The following MYLK4 variants were observed in gnomAD, a reference collection of about 807,000 sequenced individuals.
MYLK4 encodes the protein myosin light chain kinase family member 4, also known as caMLCK like.
Under a neutral mutation model 48.1 loss-of-function variants are expected in MYLK4, and 46 were observed. That is an observed-to-expected ratio of 0.96 (90% CI 0.75 to 1.22). The LOEUF (loss-of-function observed/expected upper bound fraction) is 1.22, where lower values mean the gene tolerates loss of function less well. MYLK4 is among the 50% of genes most tolerant of loss of function. The pLI, the probability that MYLK4 is intolerant of heterozygous loss-of-function variation, is 0.00. For missense variants in MYLK4, 451 were observed against 486.1 expected, an observed-to-expected ratio of 0.93 and a Z score of 0.68; for synonymous variants, 170 against 180.8, an observed-to-expected ratio of 0.94 and a Z score of 0.48.
At chr6:2,744,870 G>C (rs947054487) in intron 2 of MYLK4, among the ~76,000 whole-genome samples, 1 of 152,200 alleles carries the variant, frequency 6.6e-6, no homozygotes, top group African/African-American at 2.4e-5. Flanking sequence ...AATCAACAAG[G>C]GTTAGGATAA....
intron 2 of MYLK4, among the ~76,000 whole-genome samples, chr6:2,717,562 G>A (rs547058035): frequency 1.3e-5 from 2 of 152,324 alleles, no homozygotes; most frequent in Non-Finnish European, 1.5e-5. Context: ...GGATTAGACT[G>A]TAATCTTGGG....
the MYLK4 span, chr6:2,770,078 G>A: frequency 1.9e-6 from 3 of 1,611,148 alleles, no homozygotes; most frequent in Non-Finnish European, 1.7e-6. Context: ...GCAGGTGGCT[G>A]TTGACTGGAA....
chr6:2,718,316 C>T (rs1030853226), intron 2 of MYLK4, among the ~76,000 whole-genome samples: 1 of 152,182 alleles, frequency 6.6e-6, no homozygotes, highest in Admixed American at 6.5e-5. Context: ...TGTCTACAGA[C>T]TGAGTGAGTC....
At position 2,673,578 on chromosome 6, in the gene MYLK4, C is replaced by T. The variant is rs1050083516; in HGVS notation, c.1119+1469G>A. ...ATGCTATACCAGGGCAGGGCACCAG[C>T]CACCCTAACTGATAGGTACATCAGA... On this transcript the variant is annotated intron_variant, in intron 11 of 12. Coordinates refer to ENST00000274643, the MANE Select transcript of MYLK4 (RefSeq NM_001012418.5). This position sits in a 1 kb window ranked among gnomAD's most constrained non-coding sequence, Gnocchi z 4.2. Among the ~76,000 whole-genome samples, 9 of 152,138 alleles carry T rather than the reference C, an allele frequency of 5.9e-5. No homozygotes were observed. The highest frequency in any genetic ancestry group is 2.2e-4 in the African/African-American group (9 of 41,422).
chr6:2,714,370 T>C (rs540217072), intron 2 of MYLK4, among the ~76,000 whole-genome samples: 19 of 152,346 alleles, frequency 1.2e-4, no homozygotes, highest in African/African-American at 3.6e-4. Flanking sequence ...TTAATTTGCA[T>C]GTAATTGAAA....
chr6:2,755,142 T>C (rs954784270), upstream of MYLK4, among the ~76,000 whole-genome samples: 28 of 152,190 alleles, frequency 1.8e-4, no homozygotes, highest in African/African-American at 5.6e-4. Flanking sequence ...AAAAATTAGA[T>C]AAAAATATGG....
chr6:2,768,816 G>C, the MYLK4 span: 1 of 1,613,794 alleles, frequency 6.2e-7, no homozygotes, highest in East Asian at 2.2e-5. Context: ...AAAATGAAAA[G>C]AGCTTTTTCA....
chr6:2,766,454 G>C, the MYLK4 span: 2,854 of 1,518,808 alleles, frequency 1.9e-3, 7 homozygotes, highest in Middle Eastern at 5.4e-3. Flanking sequence ...GGTGAGTGCG[G>C]CCTTGGCCGT....
At chr6:2,677,478 C>T (rs923578256) in intron 10 of MYLK4, among the ~76,000 whole-genome samples, 2 of 152,214 alleles carry the variant, frequency 1.3e-5, no homozygotes, top group Admixed American at 1.3e-4. Flanking sequence ...TTATACGGCT[C>T]AGGTATAAAG....
intron 2 of MYLK4, among the ~76,000 whole-genome samples, chr6:2,715,119 C>G (rs1272667915): frequency 6.6e-6 from 1 of 152,062 alleles, no homozygotes; most frequent in African/African-American, 2.4e-5. Flanking sequence ...ACAAAATTGG[C>G]CAGGTGTGGT....
At chr6:2,769,250 G>T in the MYLK4 span, among the ~76,000 whole-genome samples, 8 of 152,086 alleles carry the variant, frequency 5.3e-5, no homozygotes, top group Non-Finnish European at 1.2e-4. Context: ...TACTTTAACA[G>T]TATTTTTATT....
chr6:2,679,498 T>G, intron 8 of MYLK4, 90 bp from the exon 9 acceptor site: 1 of 1,480,860 alleles, frequency 6.8e-7, no homozygotes, highest in South Asian at 1.1e-5. Context: ...CAAAATGACT[T>G]CAGCCATACA....
chr6:2,737,032 C>A (rs140117411), intron 2 of MYLK4, among the ~76,000 whole-genome samples: 53 of 152,326 alleles, frequency 3.5e-4, no homozygotes, highest in African/African-American at 1.3e-3. Flanking sequence ...TTGCTAAGTT[C>A]TTATGCACAT....
At chr6:2,765,427 C>A in the MYLK4 span, 1 of 547,880 alleles carries the variant, frequency 1.8e-6, no homozygotes, top group Non-Finnish European at 2.6e-6. Context: ...GCGCTGCCAG[C>A]GGCCGGCCGA....
At chr6:2,769,572 C>G in the MYLK4 span, among the ~76,000 whole-genome samples, 1 of 151,950 alleles carries the variant, frequency 6.6e-6, no homozygotes. Flanking sequence ...TTTTTTGAAC[C>G]TTTTTGAATA....
Position 2,678,111 on chromosome 6 carries a change from G to A in MYLK4, c.1040+109C>T, listed in dbSNP as rs147394901. ...AACCTCATTCTATCCATGACTTTGC[G>A]CAAGCATCACAGATGTTAGTAAGAG... On this transcript the variant is annotated intron_variant, in intron 10 of 12. Coordinates refer to ENST00000274643, the MANE Select transcript of MYLK4 (RefSeq NM_001012418.5). 4.5e-3 allele frequency: 6,098 copies of A among 1,364,060 alleles called. 39 individuals carry two copies. Among genetic ancestry groups the A allele is most frequent in the Non-Finnish European group, 4.7e-3 (4,651 of 991,908 alleles). The allele number at this position is 1,364,060 out of a possible 1,614,324, so 84.5% of individuals were successfully genotyped here.
intron 2 of MYLK4, among the ~76,000 whole-genome samples, chr6:2,707,486 C>T (rs913410233): frequency 2.0e-5 from 3 of 152,158 alleles, no homozygotes; most frequent in African/African-American, 4.8e-5. Context: ...ATGAAAAGTT[C>T]GCATGCTATT....
At chr6:2,707,751 C>T (rs932246914) in intron 2 of MYLK4, among the ~76,000 whole-genome samples, 10 of 151,790 alleles carry the variant, frequency 6.6e-5, no homozygotes, top group African/African-American at 2.4e-4. Flanking sequence ...GAAAACGAAC[C>T]AAATAAGGAT....
chr6:2,748,497 T>C (rs1333727049), intron 2 of MYLK4, among the ~76,000 whole-genome samples: 1 of 152,214 alleles, frequency 6.6e-6, no homozygotes, highest in African/African-American at 2.4e-5. Context: ...ACATATTAAA[T>C]GCTGACTCTA....
Sources: gnomAD v4.1 joint callset for allele counts (sites outside exome capture counted in the v4.1 genomes callset) on GRCh38, gnomAD v4.1.1 for gene constraint, Gnocchi (gnomAD v3.1) non-coding constraint, MANE v1.5 for transcripts, NCBI Gene and HGNC (gene_info 2026-07-23, HGNC 2026-07-21) for gene names.